MYH11: variants seen among roughly 807,000 people sequenced by gnomAD.
MYH11 encodes myosin-11.
Under a neutral mutation model 246.6 loss-of-function variants are expected in MYH11, and 80 were observed. The observed-to-expected ratio is 0.32, with a 90% CI of 0.27 to 0.39. MYH11 has a LOEUF of 0.39. Among genes scored for constraint, MYH11 ranks in the 10% least tolerant of loss-of-function variants. The probability of loss-of-function intolerance (pLI) is 1.00; values close to 1 mark genes in which losing one functional copy is unlikely to be tolerated. For missense variants in MYH11, 2,158 were observed against 2,546.8 expected (o/e 0.85, Z 3.29); for synonymous variants, 1,071 against 1,015.5 (o/e 1.05, Z -1.04).
At chr16:15,726,651 A>C in intron 28 of MYH11, 197 bp downstream of exon 28, 1 of 671,538 alleles carries the variant, frequency 1.5e-6, no homozygotes, top group South Asian at 1.8e-5. Flanking sequence ...TACAGGCATG[A>C]GCCACCGTGC....
At chr16:15,756,956 G>A (rs1337964881) in intron 13 of MYH11, among the ~76,000 whole-genome samples, 3 of 151,364 alleles carry the variant, frequency 2.0e-5, no homozygotes, top group Non-Finnish European at 4.4e-5. Flanking sequence ...CTGCCACGGC[G>A]CCCGGCTGAT....
At chr16:15,707,380 A>C (rs2039514538) in intron 40 of MYH11, among the ~76,000 whole-genome samples, 1 of 152,150 alleles carries the variant, frequency 6.6e-6, no homozygotes, top group Non-Finnish European at 1.5e-5. Flanking sequence ...CTCGGGAATC[A>C]TCTTGAGTGT....
At chr16:15,731,140 G>A (rs1286542738) in intron 27 of MYH11, among the ~76,000 whole-genome samples, 2 of 152,216 alleles carry the variant, frequency 1.3e-5, no homozygotes, top group Non-Finnish European at 2.9e-5. Flanking sequence ...CCAGTCTGCA[G>A]AGAAATTAAA....
intron 25 of MYH11, among the ~76,000 whole-genome samples, chr16:15,737,052 T>C (rs1369020141): frequency 6.6e-6 from 1 of 151,692 alleles, no homozygotes; most frequent in Non-Finnish European, 1.5e-5. Context: ...AAGAGGGCCC[T>C]TAGAGGGAGG....
At position 15,809,947 on chromosome 16, in the gene MYH11, G is replaced by T. The variant is rs568555200; in HGVS notation, c.503-11260C>A. Among the ~76,000 whole-genome samples, 5 of 152,198 alleles carry T rather than the reference G, an allele frequency of 3.3e-5. No individual in the cohort carries two copies. In the South Asian group the frequency reaches 8.3e-4, roughly 25 times the overall value. ...AAAAAAGCCCAAAACAAACAAGGAA[G>T]GTGTTGCCAAGTGTCAGCTGGGGCT... On this transcript the variant is annotated intron_variant, in intron 3 of 40. Coordinates refer to ENST00000300036, the MANE Select transcript of MYH11 (RefSeq NM_002474.3).
intron 4 of MYH11, among the ~76,000 whole-genome samples, chr16:15,788,295 C>T (rs947149213): frequency 1.3e-5 from 2 of 151,228 alleles, no homozygotes; most frequent in African/African-American, 4.9e-5. Context: ...CCTTTCTTTG[C>T]CTTATCTCTT....
At chr16:15,779,059 C>T (rs1021525692) in intron 6 of MYH11, 8 of 650,248 alleles carry the variant, frequency 1.2e-5, no homozygotes, top group South Asian at 1.0e-4. Context: ...ACGTGTAAAA[C>T]ATGTTCACAG....
In MYH11 at chr16:15,740,203, G is replaced by GA; in HGVS notation, c.2860-16dup. 1 of 1,614,082 alleles carries GA rather than the reference G, an allele frequency of 6.2e-7. No homozygotes were observed. Among genetic ancestry groups the GA allele is most frequent in the Non-Finnish European group, 8.5e-7 (1 of 1,179,984 alleles). On this transcript the variant is annotated splice_polypyrimidine_tract_variant and intron_variant, in intron 22 of 40. Coordinates refer to ENST00000300036, the MANE Select transcript of MYH11 (RefSeq NM_002474.3). ...TCTTCAAGGTCCTTTGTTGTGGAGG[G>GA]AAAAGAGTAACAGCTTTGGTTATAA...
In MYH11 at chr16:15,775,066, A is replaced by G. The variant is rs185157143; in HGVS notation, c.889+1012T>C. Among the ~76,000 whole-genome samples, 14 of 152,350 alleles carry G rather than the reference A, an allele frequency of 9.2e-5. No homozygotes were observed. The East Asian group carries it at 2.7e-3, about 29-fold the overall frequency. On this transcript the variant is annotated intron_variant, in intron 8 of 40. Coordinates refer to ENST00000300036, the MANE Select transcript of MYH11 (RefSeq NM_002474.3). ...GTCTGTATTGTTCCCATAGAATTTC[A>G]GACTCAAAACTTATTACTAACATGT...
chr16:15,811,846 T>C (rs554570589), intron 3 of MYH11, among the ~76,000 whole-genome samples: 2 of 152,138 alleles, frequency 1.3e-5, no homozygotes, highest in South Asian at 4.2e-4. Flanking sequence ...AGTGTGGCCA[T>C]TTGTTGCTAA....
Position 15,721,596 on chromosome 16 carries a change from C to T in MYH11, c.4404G>A (p.Ala1468=), listed in dbSNP as rs1011581295. Residue 1468 remains alanine (A), a synonymous_variant, in exon 32 of 41, where the codon GCG becomes GCA. Coordinates refer to ENST00000300036, the MANE Select transcript of MYH11 (RefSeq NM_002474.3). ...AEEKNISSKY[A]DERDRAEAEA... Reference sequence around the variant, plus strand: ...CTGCCTCAGCTCTGTCCCTCTCATCCGCGTATTTGGAAGAGATGTTTTTCT... The same window carrying T: ...CTGCCTCAGCTCTGTCCCTCTCATCTGCGTATTTGGAAGAGATGTTTTTCT... 7.4e-6 allele frequency: 12 copies of T among 1,614,046 alleles called. No homozygotes were observed. The highest frequency in any genetic ancestry group is 4.4e-5 in the South Asian group (4 of 91,082).
chr16:15,820,473 CGGA>C (rs1294269207), intron 3 of MYH11, among the ~76,000 whole-genome samples: 1 of 128,772 alleles, frequency 7.8e-6, no homozygotes, highest in African/African-American at 2.9e-5. Context: ...AAACTCCATC[CGGA>C]AAAAAAAAAA....
At chr16:15,789,441 G>A (rs1295013441) in intron 4 of MYH11, among the ~76,000 whole-genome samples, 1 of 152,172 alleles carries the variant, frequency 6.6e-6, no homozygotes, top group Non-Finnish European at 1.5e-5. Context: ...AGAGAGGTTT[G>A]AAGTAAATTG....
At chr16:15,733,571 C>G (rs1239238748) in intron 26 of MYH11, among the ~76,000 whole-genome samples, 1 of 151,356 alleles carries the variant, frequency 6.6e-6, no homozygotes, top group East Asian at 1.9e-4. Flanking sequence ...CTTATCGAGT[C>G]TTGCTCCGTC....
At chr16:15,718,468 T>C in intron 36 of MYH11, 30 bp from the exon 37 acceptor site, 1 of 1,540,992 alleles carries the variant, frequency 6.5e-7, no homozygotes, top group Non-Finnish European at 8.7e-7. Flanking sequence ...GGTGGGGGCC[T>C]CTACCCTCCC....
At chr16:15,705,393 A>AG (rs2039392537) in intron 40 of MYH11, among the ~76,000 whole-genome samples, 1 of 152,188 alleles carries the variant, frequency 6.6e-6, no homozygotes, top group South Asian at 2.1e-4. Flanking sequence ...CTTCACAGGA[A>AG]GGGCTGGTCA....
At chr16:15,717,094 CCAT>C (rs758960770) in intron 38 of MYH11, 43 bp downstream of exon 38, 1 of 1,595,792 alleles carries the variant, frequency 6.3e-7, no homozygotes, top group Non-Finnish European at 8.6e-7. Flanking sequence ...CTCCTGCTGT[CCAT>C]CACCCCCCTG....
At chr16:15,751,611 T>G (rs2041574742) in intron 15 of MYH11, among the ~76,000 whole-genome samples, 1 of 133,080 alleles carries the variant, frequency 7.5e-6, no homozygotes. Context: ...GTAACAATCT[T>G]TTTTTTTTTT....
chr16:15,849,624 A>AT lies in MYH11; in HGVS notation c.-18+7316dup, dbSNP rs753684608. 4.0e-4 allele frequency among the ~76,000 whole-genome samples: 60 copies of AT among 151,360 alleles called. 1 individual carries two copies. The highest frequency in any genetic ancestry group is 1.5e-3 in the Admixed American group (23 of 15,172). On this transcript the variant is annotated intron_variant, in intron 1 of 40. Coordinates refer to ENST00000300036, the MANE Select transcript of MYH11 (RefSeq NM_002474.3). ...ACCCAGCTAATTTTTTAATTCTTGC[A>AT]TTTTTTTGTAGAGACAGGGGTCTCA...
Sources: allele counts gnomAD v4.1 joint callset (sites outside exome capture counted in the v4.1 genomes callset), GRCh38; gene constraint gnomAD v4.1.1; transcripts MANE v1.5; gene names NCBI Gene and HGNC (gene_info 2026-07-23, HGNC 2026-07-21).